TRPM8: variants seen among roughly 807,000 people sequenced by gnomAD.
The protein encoded by TRPM8 is transient receptor potential cation channel subfamily M member 8, also known as TRPM8 cationic channel.
Under a neutral mutation model 133.7 loss-of-function variants are expected in TRPM8, and 110 were observed. The observed-to-expected ratio is 0.82, with a 90% confidence interval of 0.70 to 0.96. The LOEUF (loss-of-function observed/expected upper bound fraction) is 0.96. TRPM8 is among the 40% of genes least tolerant of loss of function. The probability of loss-of-function intolerance (pLI) is 0.00; values close to 1 mark genes in which losing one functional copy is unlikely to be tolerated. For missense variants in TRPM8, 1,291 were observed against 1,379.5 expected (o/e 0.94, Z 1.02); for synonymous variants, 535 against 532.3 (o/e 1.01, Z -0.07).
At chr2:233,973,941 C>CCGACCTGG (rs1691799339) in intron 17 of TRPM8, among the ~76,000 whole-genome samples, 1 of 152,232 alleles carries the variant, frequency 6.6e-6, no homozygotes, top group Non-Finnish European at 1.5e-5. Context: ...TTCCCTTCTC[C>CCGACCTGG]CGACCTGGCG....
chr2:234,006,321 A>G (rs1051416374), intron 22 of TRPM8, among the ~76,000 whole-genome samples: 21 of 152,176 alleles, frequency 1.4e-4, no homozygotes, highest in African/African-American at 4.8e-4. Flanking sequence ...TCCCAGAACA[A>G]TCTTACGGCA....
intron 11 of TRPM8, among the ~76,000 whole-genome samples, chr2:233,955,629 C>A (rs143741742): frequency 6.6e-6 from 1 of 152,028 alleles, no homozygotes; most frequent in Admixed American, 6.6e-5. Context: ...TAAATCCAGA[C>A]GGCAGCACTC....
chr2:233,927,710 CTTTCTTTCTTT>C lies in TRPM8; in HGVS notation c.117+1057_117+1067del, dbSNP rs1559515869. Among the ~76,000 whole-genome samples, 4 of 13,548 alleles carry C rather than the reference CTTTCTTTCTTT, an allele frequency of 3.0e-4. No individual in the cohort carries two copies. The East Asian group carries it at 7.7e-3, about 26-fold the overall frequency. The allele number at this position is 13,548 out of a possible 152,430, so 8.9% of individuals were successfully genotyped here. On this transcript the variant is annotated intron_variant, in intron 2 of 25. Coordinates refer to ENST00000324695, the MANE Select transcript of TRPM8 (RefSeq NM_024080.5). ...GAGCCCTGGAAGACAGAGTCTGTCT[CTTTCTTTCTTT>C]CTTTCTTTCTTTCTTTCTTTCTTTC...
rs1432053197 is a variant in TRPM8 at position 233,958,962 on chromosome 2, C to T, written c.1363-1814C>T. ...AGCCAAGGCTCCGGGAAGCAGCTGCCCCTTGGCTCCCACTGATGGTTCCCA... is the reference window on the plus strand; with the variant it reads ...AGCCAAGGCTCCGGGAAGCAGCTGCTCCTTGGCTCCCACTGATGGTTCCCA... On this transcript the variant is annotated intron_variant, in intron 11 of 25. Coordinates refer to ENST00000324695, the MANE Select transcript of TRPM8 (RefSeq NM_024080.5). 2.6e-5 allele frequency among the ~76,000 whole-genome samples: 4 copies of T among 151,170 alleles called. No homozygotes were observed. In the East Asian group the frequency reaches 7.8e-4, roughly 30 times the overall value.
At chr2:233,986,811 T>A (rs1378527664) in intron 21 of TRPM8, among the ~76,000 whole-genome samples, 1 of 152,172 alleles carries the variant, frequency 6.6e-6, no homozygotes, top group East Asian at 1.9e-4. Flanking sequence ...AGAAAACTTG[T>A]CAGAGAAAAT....
At chr2:233,993,958 G>T (rs1385760843) in intron 21 of TRPM8, among the ~76,000 whole-genome samples, 1 of 152,136 alleles carries the variant, frequency 6.6e-6, no homozygotes, top group Non-Finnish European at 1.5e-5. Flanking sequence ...TATAGTCAAA[G>T]ATTTCTATTT....
intron 20 of TRPM8, among the ~76,000 whole-genome samples, chr2:233,985,082 T>TAA (rs1559541909): frequency 2.4e-3 from 139 of 57,472 alleles, no homozygotes; most frequent in African/African-American, 6.3e-3. Context: ...AGATTCTGTC[T>TAA]GAAAAAAAAA....
intron 22 of TRPM8, among the ~76,000 whole-genome samples, chr2:233,999,368 G>A (rs1559548046): frequency 6.6e-6 from 1 of 151,096 alleles, no homozygotes; most frequent in Non-Finnish European, 1.5e-5. Context: ...CTGAGGCTGT[G>A]GCTCAGAAAG....
intron 14 of TRPM8, chr2:233,965,850 T>C (rs568230179): frequency 2.9e-4 from 38 of 133,196 alleles, no homozygotes; most frequent in African/African-American, 1.1e-3. Context: ...TCAGTGTTTC[T>C]TTTTTTTTTT....
rs191513486 is a variant in TRPM8, at chr2:234,016,348, C to A, written c.*43-951C>A. 2.6e-5 allele frequency among the ~76,000 whole-genome samples: 4 copies of A among 152,294 alleles called. No individual in the cohort carries two copies. In the East Asian group the frequency reaches 7.7e-4, roughly 29 times the overall value. On this transcript the variant is annotated intron_variant, in intron 25 of 25. Transcript: ENST00000324695. ...TGTCCAACTTTTTGTATGCTTTTTA[C>A]TTCTAGATATAAGATCATTTTTTTG...
chr2:233,936,432 C>T (rs1364939020), intron 3 of TRPM8, among the ~76,000 whole-genome samples: 4 of 152,212 alleles, frequency 2.6e-5, no homozygotes, highest in East Asian at 3.8e-4. Context: ...GCATTTTTAA[C>T]GAGAAGATCT....
At chr2:234,016,672 A>AT (rs1242648185) in intron 25 of TRPM8, among the ~76,000 whole-genome samples, 2 of 151,890 alleles carry the variant, frequency 1.3e-5, no homozygotes, top group African/African-American at 2.4e-5. Flanking sequence ...ATAATTGTCT[A>AT]TTTTTTTTCC....
At chr2:233,961,135 A>AT (rs1432136429) in intron 12 of TRPM8, 69 bp downstream of exon 12, 8 of 1,469,436 alleles carry the variant, frequency 5.4e-6, no homozygotes, top group Non-Finnish European at 7.4e-6. Context: ...AGATATCTCC[A>AT]TTTTCCCTAC....
Position 233,938,431 on chromosome 2 carries a change from C to T in TRPM8, c.349-567C>T, listed in dbSNP as rs968592261. ...CTTGCCAAGGTTGAGGAGGGATGCC[C>T]GTGGCACAGCCTTAAGAGGTTCTGA... On this transcript the variant is annotated intron_variant, in intron 4 of 25. Coordinates refer to ENST00000324695, the MANE Select transcript of TRPM8 (RefSeq NM_024080.5). Among the ~76,000 whole-genome samples, 36 of 152,156 alleles carry T rather than the reference C, an allele frequency of 2.4e-4. 2 individuals carry two copies. The highest frequency in any genetic ancestry group is 7.3e-5 in the Non-Finnish European group (5 of 68,040).
At chr2:233,996,216 T>A (rs575504378) in intron 21 of TRPM8, 110 bp from the exon 22 acceptor site, 2 of 966,954 alleles carry the variant, frequency 2.1e-6, no homozygotes, top group African/African-American at 3.3e-5. Flanking sequence ...CTCTCCTGTC[T>A]GTACTTAAGC....
chr2:233,969,743 A>C lies in TRPM8; in HGVS notation c.2074A>C (p.Asn692His). Residue 692 changes from asparagine (N) to histidine (H), a missense_variant, in exon 16 of 26, where the codon AAC becomes CAC. Around this residue, in one of 2 missense-constraint regions of TRPM8, gnomAD observed 963 missense variants for 968.9 expected, o/e 0.99. Coordinates refer to ENST00000324695, the MANE Select transcript of TRPM8 (RefSeq NM_024080.5). The stretch of plus-strand genomic sequence containing the variant: ...TGGAGAGATTTCCCGAGACACCAAG[A>C]ACTGGAAGATTATCCTGTGTCTGTT... ...WYGEISRDTKNWKIILCLFII... is the reference protein window; with the variant it reads ...WYGEISRDTKHWKIILCLFII... 6.2e-7 allele frequency: 1 copy of C among 1,614,068 alleles called. No individual in the cohort carries two copies.
chr2:233,939,163 G>T lies in TRPM8; in HGVS notation c.514G>T (p.Ala172Ser), dbSNP rs766279410. ...GATCTTCAGCCGGCTCATCTACATC[G>T]CGCAGTCCAAAGGTGAGGGTGGGAG... The part of the protein sequence containing the change: ...RKIFSRLIYI[A>S]QSKGAWILTG... Residue 172 changes from alanine to serine, a missense_variant, in exon 5 of 26, where the codon GCG (alanine) becomes TCG (serine). This residue lies in a region of TRPM8 where 963 missense variants were observed against 968.9 expected (regional missense o/e 0.99). Coordinates refer to ENST00000324695, the MANE Select transcript of TRPM8 (RefSeq NM_024080.5). The T allele has an allele frequency of 1.9e-6, 3 of 1,614,022 alleles. No individual in the cohort carries two copies. The South Asian group carries it at 3.3e-5, about 18-fold the overall frequency.
At chr2:234,008,994 C>A (rs1692765094) in intron 24 of TRPM8, among the ~76,000 whole-genome samples, 1 of 152,194 alleles carries the variant, frequency 6.6e-6, no homozygotes, top group South Asian at 2.1e-4. Context: ...TTGTAAGCAG[C>A]TGAAATGAGG....
chr2:233,937,265 T>G, intron 3 of TRPM8, 88 bp from the exon 4 acceptor site: 1 of 1,477,328 alleles, frequency 6.8e-7, no homozygotes, highest in Non-Finnish European at 9.3e-7. Flanking sequence ...AGGTATCCTT[T>G]GTGTGTCTAT....
Sources: allele counts gnomAD v4.1 joint callset (sites outside exome capture counted in the v4.1 genomes callset), GRCh38; gene constraint gnomAD v4.1.1; regional missense constraint gnomAD v4.1.1; transcripts MANE v1.5; gene names NCBI Gene and HGNC (gene_info 2026-07-23, HGNC 2026-07-21).